The following GLB1 variants were observed in gnomAD, a reference collection of about 807,000 sequenced individuals.
The protein encoded by GLB1 is beta-galactosidase.
Under a neutral mutation model 74.0 loss-of-function variants are expected in GLB1, and 56 were observed. The observed-to-expected ratio is 0.76, with a 90% CI of 0.61 to 0.94. The LOEUF (loss-of-function observed/expected upper bound fraction) is 0.94, where lower values mean the gene tolerates loss of function less well. Ranked by LOEUF, GLB1 falls within the 40% of genes least tolerant of loss-of-function variation. The probability of loss-of-function intolerance (pLI) is 0.00; values close to 1 mark genes in which losing one functional copy is unlikely to be tolerated. For missense variants in GLB1, 787 were observed against 845.5 expected (o/e 0.93, Z 0.86); for synonymous variants, 323 against 323.6 (o/e 1.00, Z 0.02).
the GLB1 span, among the ~76,000 whole-genome samples, chr3:32,978,484 T>C: frequency 6.6e-6 from 1 of 152,218 alleles, no homozygotes; most frequent in Non-Finnish European, 1.5e-5. Context: ...GGGACTCTGA[T>C]ACAATAGGAG....
Position 33,051,895 on chromosome 3 carries a change from G to A in GLB1, c.902C>T (p.Ala301Val), listed in dbSNP as rs750531880. 26 of 1,614,060 alleles carry A rather than the reference G, an allele frequency of 1.6e-5. No individual in the cohort carries two copies. The highest frequency in any genetic ancestry group is 2.2e-5 in the East Asian group (1 of 44,892). Residue 301 changes from alanine (A) to valine (V), a missense_variant, in exon 8 of 16, where the codon GCG becomes GTG. Coordinates refer to ENST00000307363, the MANE Select transcript of GLB1 (RefSeq NM_000404.4). ...SSLYDILARGASVNLYMFIGG... is the reference protein window; with the variant it reads ...SSLYDILARGVSVNLYMFIGG... ...AATGAACACTCACAAGTTCACACTC[G>A]CCCCACGGGCAAGTATATCATAGAG...
chr3:32,974,752 C>A, the GLB1 span, among the ~76,000 whole-genome samples: 23 of 152,154 alleles, frequency 1.5e-4, no homozygotes, highest in Non-Finnish European at 2.8e-4. Flanking sequence ...CAGCTCAAGT[C>A]AGTCAGGAAG....
chr3:33,065,561 G>C lies in GLB1; in HGVS notation c.458-4C>G. On this transcript the variant is annotated splice_polypyrimidine_tract_variant and splice_region_variant and intron_variant, in intron 4 of 15. Transcript: ENST00000307363. Reference sequence around the variant, plus strand: ...TTGTCCACAGCTGCCAGGTAATCTGGAAAACAAGAAAAGTTTAACACAAGC... The same window carrying C: ...TTGTCCACAGCTGCCAGGTAATCTGCAAAACAAGAAAAGTTTAACACAAGC... The C allele has an allele frequency of 6.4e-7, 1 of 1,565,584 alleles. No homozygotes were observed. The highest frequency in any genetic ancestry group is 8.7e-7 in the Non-Finnish European group (1 of 1,152,664).
At chr3:33,057,913 A>T (rs991905255) in intron 6 of GLB1, among the ~76,000 whole-genome samples, 176 bp downstream of exon 6, 1 of 152,242 alleles carries the variant, frequency 6.6e-6, no homozygotes, top group African/African-American at 2.4e-5. Context: ...CTCTTGGCCT[A>T]CAGATAACCC....
rs376640130 is a variant in GLB1 at position 33,093,235 on chromosome 3, T to C, written c.75+3776A>G. The stretch of plus-strand genomic sequence containing the variant: ...ATCCAGTCCTCATCCTCACTCCCAC[T>C]GCCACTGCCACCACCACCACGTTGG... On this transcript the variant is annotated intron_variant, in intron 1 of 15. Transcript: ENST00000307363. The surrounding 1 kb of genome is among the most constrained non-coding windows in gnomAD (Gnocchi z 6.0). 178 of 1,614,016 alleles carry C rather than the reference T, an allele frequency of 1.1e-4. No homozygotes were observed. Among genetic ancestry groups the C allele is most frequent in the Non-Finnish European group, 1.4e-4 (163 of 1,180,004 alleles).
At chr3:32,987,936 G>T in the GLB1 span, among the ~76,000 whole-genome samples, 1 of 152,050 alleles carries the variant, frequency 6.6e-6, no homozygotes, top group African/African-American at 2.4e-5. Context: ...TGTAATCCCA[G>T]GATTTTGGGA....
chr3:33,030,797 A>AT, intron 10 of GLB1: 3 of 985,404 alleles, frequency 3.0e-6, no homozygotes, highest in Non-Finnish European at 3.6e-6. Context: ...CGGAACTCTT[A>AT]CGTTGATGGA....
chr3:32,971,641 G>T, the GLB1 span, among the ~76,000 whole-genome samples: 2 of 151,886 alleles, frequency 1.3e-5, no homozygotes, highest in Non-Finnish European at 2.9e-5. Context: ...GTACTATATC[G>T]CCTGATGGGG....
chr3:33,037,618 T>C (rs1698332449), intron 10 of GLB1, among the ~76,000 whole-genome samples: 1 of 152,152 alleles, frequency 6.6e-6, no homozygotes, highest in Admixed American at 6.5e-5. Context: ...ACACTCTCTG[T>C]AACAGGATAC....
intron 1 of GLB1, among the ~76,000 whole-genome samples, chr3:33,076,039 T>G (rs2125559789): frequency 7.0e-6 from 1 of 143,152 alleles, no homozygotes; most frequent in South Asian, 2.1e-4. Context: ...TGCGAGACTC[T>G]GTCTCAAAAA....
At chr3:33,095,922 A>G (rs1359455843) in intron 1 of GLB1, among the ~76,000 whole-genome samples, 1 of 152,192 alleles carries the variant, frequency 6.6e-6, no homozygotes, top group Non-Finnish European at 1.5e-5. Context: ...GTGAAGAGGG[A>G]GCAGCAAATA....
intron 12 of GLB1, 134 bp downstream of exon 12, chr3:33,021,432 G>T: frequency 1.0e-6 from 1 of 955,252 alleles, no homozygotes; most frequent in South Asian, 1.4e-5. Context: ...GGAAATTCAT[G>T]GTTCATTTAC....
At chr3:33,046,275 G>A (rs768323521) in intron 9 of GLB1, 43 bp from the exon 10 acceptor site, 8 of 1,608,676 alleles carry the variant, frequency 5.0e-6, no homozygotes, top group Non-Finnish European at 6.8e-6. Context: ...TGATGGTGCA[G>A]CTCTGGGACA....
intron 15 of GLB1, among the ~76,000 whole-genome samples, chr3:33,008,407 C>T (rs1480787334): frequency 6.6e-6 from 1 of 152,118 alleles, no homozygotes; most frequent in Admixed American, 6.6e-5. Context: ...AGAATTCAGA[C>T]TTCCTCCTAG....
intron 10 of GLB1, among the ~76,000 whole-genome samples, chr3:33,031,202 C>T (rs753783220): frequency 1.4e-4 from 21 of 152,128 alleles, no homozygotes; most frequent in African/African-American, 4.1e-4. Flanking sequence ...AGACATATTC[C>T]GCTTTTTGAG....
chr3:33,002,386 G>C (rs144407214), intron 15 of GLB1, among the ~76,000 whole-genome samples: 18 of 105,700 alleles, frequency 1.7e-4, no homozygotes, highest in Non-Finnish European at 2.5e-4. Context: ...CCTTCCTTAT[G>C]AGGCAGGGTC....
chr3:32,997,278 A>C lies in GLB1; in HGVS notation c.1801T>G (p.Leu601Val), dbSNP rs1028198150. 9 of 1,614,148 alleles carry C rather than the reference A, an allele frequency of 5.6e-6. No homozygotes were observed. Among genetic ancestry groups the C allele is most frequent in the Non-Finnish European group, 7.6e-6 (9 of 1,180,028 alleles). The part of the protein sequence containing the change: ...YWPARGPQLT[L>V]FVPQHILMTS... ...ATCAGGATGTGCTGGGGCACAAACA[A>C]GGTCAACTGAGGGCCCCGGGCTGGC... Residue 601 changes from leucine to valine, a missense_variant, in exon 16 of 16, where the codon TTG becomes GTG. Physicochemically the swap from Leu to Val is conservative, Grantham distance 32. Coordinates refer to ENST00000307363, the MANE Select transcript of GLB1 (RefSeq NM_000404.4).
chr3:33,090,775 G>A (rs1700724014), intron 1 of GLB1: 1 of 985,406 alleles, frequency 1.0e-6, no homozygotes, highest in Non-Finnish European at 1.2e-6. Context: ...AGAGGGTGTT[G>A]ATGTTGTTTC....
At chr3:33,069,041 C>G (rs1352581373) in intron 2 of GLB1, 71 bp from the exon 3 acceptor site, 8 of 1,612,036 alleles carry the variant, frequency 5.0e-6, no homozygotes, top group Non-Finnish European at 6.8e-6. Context: ...GGGGAAAGGG[C>G]CTCATTAGGA....
Sources: allele counts gnomAD v4.1 joint callset (sites outside exome capture counted in the v4.1 genomes callset), GRCh38; gene constraint gnomAD v4.1.1; non-coding constraint Gnocchi (gnomAD v3.1); transcripts MANE v1.5; gene names NCBI Gene and HGNC (gene_info 2026-07-23, HGNC 2026-07-21).